The following EPHX2 variants were observed in gnomAD, a reference collection of about 807,000 sequenced individuals.
The protein encoded by EPHX2 is epoxide hydrolase 2.
In EPHX2, 74 loss-of-function variants were observed where a neutral mutation model predicts 78.7. The ratio of observed to expected loss-of-function variants is 0.94; its 90% confidence interval spans 0.78 to 1.14. The LOEUF is 1.14. EPHX2 is among the 50% of genes most tolerant of loss of function. EPHX2 has a pLI of 0.00. For missense variants in EPHX2, 715 were observed against 702.5 expected, an observed-to-expected ratio of 1.02 and a Z score of -0.20; for synonymous variants, 251 against 255.2, an observed-to-expected ratio of 0.98 and a Z score of 0.16.
At chr8:27,518,855 A>G (rs961745317) in intron 9 of EPHX2, among the ~76,000 whole-genome samples, 1 of 151,948 alleles carries the variant, frequency 6.6e-6, no homozygotes, top group East Asian at 1.9e-4. Flanking sequence ...TGCCTCTTGC[A>G]CTCTGCTGCT....
chr8:27,515,767 G>A lies in EPHX2; in HGVS notation c.785G>A (p.Cys262Tyr), dbSNP rs1375861255. 1.2e-6 allele frequency: 2 copies of A among 1,613,982 alleles called. No homozygotes were observed. The highest frequency in any genetic ancestry group is 1.3e-5 in the African/African-American group (1 of 74,928). Residue 262 changes from cysteine (C) to tyrosine (Y), a missense_variant, in exon 7 of 19, where the codon TGC (cysteine) becomes TAC (tyrosine). Transcript: ENST00000521400. ...GAGCTGGGCTCCGGCCCTGCTGTGT[G>A]CCTCTGCCATGGATTTCCCGAGAGT... ...FVELGSGPAV[C>Y]LCHGFPESWY...
At chr8:27,506,011 C>A (rs1331549962) in intron 4 of EPHX2, among the ~76,000 whole-genome samples, 2 of 152,022 alleles carry the variant, frequency 1.3e-5, no homozygotes, top group East Asian at 3.9e-4. Flanking sequence ...TTCTTAGAGA[C>A]AGAGCCTCAC....
chr8:27,497,874 T>A (rs1586428941), intron 1 of EPHX2, among the ~76,000 whole-genome samples: 2 of 152,180 alleles, frequency 1.3e-5, no homozygotes, highest in East Asian at 3.9e-4. Flanking sequence ...TGAGTCTAGG[T>A]CCCAGTGGAG....
chr8:27,506,779 A>G, intron 4 of EPHX2, 93 bp from the exon 5 acceptor site: 1 of 1,517,596 alleles, frequency 6.6e-7, no homozygotes, highest in South Asian at 1.3e-5. Context: ...TTATAAAAGA[A>G]AAAGAGTTTT....
downstream of EPHX2, among the ~76,000 whole-genome samples, chr8:27,548,292 T>C (rs2640726): frequency 0.58 from 88,720 of 152,116 alleles, 26,327 homozygotes; most frequent in Admixed American, 0.66. Context: ...TTACCATCAA[T>C]ACAAATTAAA....
intron 11 of EPHX2, among the ~76,000 whole-genome samples, chr8:27,524,925 C>T (rs1814770481): frequency 6.6e-6 from 1 of 152,146 alleles, no homozygotes; most frequent in African/African-American, 2.4e-5. Context: ...TTTCTCTCCT[C>T]TAGTATATGC....
intron 4 of EPHX2, 93 bp downstream of exon 4, chr8:27,505,239 G>T (rs1205996022): frequency 2.4e-5 from 31 of 1,294,520 alleles, no homozygotes; most frequent in Non-Finnish European, 3.4e-5. Context: ...TGCATCTTGG[G>T]CCTGGCAGGA....
At chr8:27,547,261 T>C (rs1025335302), downstream of EPHX2, among the ~76,000 whole-genome samples, 1 of 152,204 alleles carries the variant, frequency 6.6e-6, no homozygotes, top group Non-Finnish European at 1.5e-5. Context: ...AGGGCTATGT[T>C]TCCTGGTCTG....
intron 14 of EPHX2, chr8:27,539,271 C>T (rs1178468479): frequency 6.6e-6 from 1 of 152,626 alleles, no homozygotes; most frequent in African/African-American, 2.4e-5. Context: ...ACAGCATTCA[C>T]TTGTATTTTT....
chr8:27,537,194 C>T (rs1027492212), intron 13 of EPHX2, among the ~76,000 whole-genome samples: 1 of 152,170 alleles, frequency 6.6e-6, no homozygotes, highest in Non-Finnish European at 1.5e-5. Context: ...GTAAGCTGCA[C>T]CCTCCTGTCT....
At chr8:27,518,579 A>G (rs187892993) in intron 9 of EPHX2, among the ~76,000 whole-genome samples, 9 of 152,250 alleles carry the variant, frequency 5.9e-5, no homozygotes, top group African/African-American at 2.2e-4. Flanking sequence ...TGGGTCCCAA[A>G]CCTCCACGCA....
In EPHX2 at chr8:27,491,241, C is replaced by G. The variant is rs778334106; in HGVS notation, c.33C>G (p.Asp11Glu). Residue 11 changes from aspartate (D) to glutamate (E), a missense_variant, in exon 1 of 19, where the codon GAC (aspartate) becomes GAG (glutamate). Physicochemically the swap from Asp to Glu is conservative, Grantham distance 45 (BLOSUM62 2). Coordinates refer to ENST00000521400, the MANE Select transcript of EPHX2 (RefSeq NM_001979.6). MTLRAAVFDL[D>E]GVLALPAVFG... is the part of the protein sequence containing the mutation. ...TGCGCGCGGCCGTCTTCGACCTTGA[C>G]GGGGTGCTGGCGCTGCCAGCGGTGT... The G allele has an allele frequency of 6.3e-7, 1 of 1,585,536 alleles. No individual in the cohort carries two copies. Among genetic ancestry groups the G allele is most frequent in the Non-Finnish European group, 8.5e-7 (1 of 1,174,558 alleles).
intron 14 of EPHX2, chr8:27,539,019 G>A (rs752756941): frequency 2.6e-5 from 7 of 274,038 alleles, no homozygotes; most frequent in Admixed American, 2.4e-4. Context: ...GGGTCACCTC[G>A]TGTATGCAGG....
Position 27,501,377 on chromosome 8 carries a change from T to TC in EPHX2, c.186+368dup, listed in dbSNP as rs756207777. ...TTCTTCTTCTTCTTCTTCTTCTTCT[T>TC]CTTCTTCTTCTTCTTCTTTCTTCTT... On this transcript the variant is annotated intron_variant, in intron 2 of 18. Coordinates refer to ENST00000521400, the MANE Select transcript of EPHX2 (RefSeq NM_001979.6). 3.4e-3 allele frequency among the ~76,000 whole-genome samples: 450 copies of TC among 131,676 alleles called. 6 individuals are homozygous for TC. Among genetic ancestry groups the TC allele is most frequent in the African/African-American group, 7.6e-3 (254 of 33,350 alleles). The allele number at this position is 131,676 out of a possible 152,430, so 86.4% of individuals were successfully genotyped here.
At chr8:27,492,958 G>C (rs1813434897) in intron 1 of EPHX2, 1 of 154,402 alleles carries the variant, frequency 6.5e-6, no homozygotes, top group Admixed American at 6.5e-5. Flanking sequence ...CTGGATAGGG[G>C]CAAAGAAGGG....
Position 27,515,804 on chromosome 8 carries a change from GAGGTACC to G in EPHX2, c.827_831+2del. On this transcript the variant is annotated frameshift_variant and splice_region_variant, in exon 7 of 19. Transcript: ENST00000521400. LOFTEE classifies it high-confidence loss of function. ...GATTTCCCGAGAGTTGGTATTCTTG[GAGGTACC>G]AGGTGAGAAAGCTGGGGAAGATGCA... The G allele has an allele frequency of 6.2e-7, 1 of 1,613,924 alleles. No homozygotes were observed. The highest frequency in any genetic ancestry group is 8.5e-7 in the Non-Finnish European group (1 of 1,179,936).
chr8:27,491,171 A>T lies in EPHX2; in HGVS notation c.-38A>T. The T allele has an allele frequency of 1.9e-6, 3 of 1,542,150 alleles. No homozygotes were observed. The highest frequency in any genetic ancestry group is 2.6e-6 in the Non-Finnish European group (3 of 1,150,480). On this transcript the variant is annotated 5_prime_UTR_variant, in exon 1 of 19. Coordinates refer to ENST00000521400, the MANE Select transcript of EPHX2 (RefSeq NM_001979.6). ...CTGGCCTTCGCGCATCTCCCAGGTT[A>T]GCTGCGTGTCCGGGTGCTAGGCTGC...
rs372714476 is a variant in EPHX2, at chr8:27,522,530, A to G, written c.1058+22A>G. 12 of 1,611,072 alleles carry G rather than the reference A, an allele frequency of 7.4e-6. No homozygotes were observed. The African/African-American group carries it at 1.2e-4, about 16-fold the overall frequency. On this transcript the variant is annotated intron_variant, in intron 11 of 18. Coordinates refer to ENST00000521400, the MANE Select transcript of EPHX2 (RefSeq NM_001979.6). The stretch of plus-strand genomic sequence containing the variant: ...TGAGGTAATTGGGCCTCGGGCAATA[A>G]AGATTTGGAGGAGGCTGGACTTGAA...
intron 16 of EPHX2, 87 bp downstream of exon 16, chr8:27,541,629 C>A: frequency 7.0e-7 from 1 of 1,432,992 alleles, no homozygotes; most frequent in Non-Finnish European, 9.8e-7. Context: ...ATGACCTGGG[C>A]CAGAGCTGGT....
Sources: allele counts gnomAD v4.1 joint callset (sites outside exome capture counted in the v4.1 genomes callset), GRCh38; gene constraint gnomAD v4.1.1; transcripts MANE v1.5; gene names NCBI Gene and HGNC (gene_info 2026-07-23, HGNC 2026-07-21).